SGPP2: variants seen among roughly 807,000 people sequenced by gnomAD.
SGPP2 encodes the protein sphingosine-1-phosphate phosphatase 2.
In SGPP2, 30 loss-of-function variants were observed where a neutral mutation model predicts 33.9. The ratio of observed to expected loss-of-function variants is 0.89; its 90% CI spans 0.66 to 1.20. The LOEUF (loss-of-function observed/expected upper bound fraction) is 1.20. Ranked by LOEUF, SGPP2 falls within the 50% of genes most tolerant of loss-of-function variation. SGPP2 has a pLI of 0.00. For synonymous variants in SGPP2, 233 were observed against 225.0 expected, an observed-to-expected ratio of 1.04 and a Z score of -0.32; for missense variants, 458 against 532.1, an observed-to-expected ratio of 0.86 and a Z score of 1.37.
At chr2:222,543,152 T>C (rs1699022245) in intron 4 of SGPP2, among the ~76,000 whole-genome samples, 1 of 152,238 alleles carries the variant, frequency 6.6e-6, no homozygotes, top group African/African-American at 2.4e-5. Context: ...TTTTGACTAC[T>C]AAAAGGTCAT....
intron 1 of SGPP2, among the ~76,000 whole-genome samples, chr2:222,454,183 A>G (rs1009172023): frequency 6.6e-6 from 1 of 152,164 alleles, no homozygotes; most frequent in African/African-American, 2.4e-5. Flanking sequence ...ACAAACAGAA[A>G]ATTTTCTCTC....
In SGPP2 at chr2:222,521,887, G is replaced by T. The variant is rs990071082; in HGVS notation, c.499G>T (p.Ala167Ser). 5 of 1,607,424 alleles carry T rather than the reference G, an allele frequency of 3.1e-6. No homozygotes were observed. In the Admixed American group the frequency reaches 6.8e-5, roughly 22 times the overall value. Reference sequence around the variant, plus strand: ...TGAATATGGAATGCCATCCACCCACGCCATGGCGGCCACTGCCATTGCCTT... The same window carrying T: ...TGAATATGGAATGCCATCCACCCACTCCATGGCGGCCACTGCCATTGCCTT... ...IAEYGMPSTH[A>S]MAATAIAFTL... is the part of the protein sequence containing the mutation. Residue 167 changes from alanine to serine, a missense_variant, in exon 3 of 5, where the codon GCC (alanine) becomes TCC (serine). Physicochemically the swap from Ala to Ser is moderately conservative, Grantham distance 99. Coordinates refer to ENST00000321276, the MANE Select transcript of SGPP2 (RefSeq NM_152386.4).
intron 2 of SGPP2, among the ~76,000 whole-genome samples, chr2:222,503,341 T>C (rs1226832927): frequency 6.6e-6 from 1 of 152,208 alleles, no homozygotes; most frequent in East Asian, 1.9e-4. Context: ...TCAAACATAT[T>C]AAGGCTAAAA....
chr2:222,511,084 A>G (rs536499705), intron 2 of SGPP2, among the ~76,000 whole-genome samples: 5 of 152,324 alleles, frequency 3.3e-5, no homozygotes, highest in Admixed American at 6.5e-5. Context: ...GACATGGTAC[A>G]CACTGTCATT....
At chr2:222,497,986 G>T (rs2106115718) in intron 2 of SGPP2, among the ~76,000 whole-genome samples, 1 of 152,308 alleles carries the variant, frequency 6.6e-6, no homozygotes, top group East Asian at 1.9e-4. Flanking sequence ...TTATCCTGTG[G>T]AGGAGTAAGA....
intron 1 of SGPP2, among the ~76,000 whole-genome samples, chr2:222,433,807 G>A (rs1269184367): frequency 4.6e-5 from 7 of 152,154 alleles, no homozygotes; most frequent in Non-Finnish European, 8.8e-5. Context: ...CATGAAGGGA[G>A]GTATTGCTAA....
At chr2:222,443,843 A>G (rs2106069242) in intron 1 of SGPP2, among the ~76,000 whole-genome samples, 1 of 152,302 alleles carries the variant, frequency 6.6e-6, no homozygotes, top group Admixed American at 6.5e-5. Context: ...CTTCTTACAC[A>G]TCTAAAACAT....
chr2:222,520,733 A>AC lies in SGPP2; in HGVS notation c.379-1034_379-1033insC, dbSNP rs1559168265. ...CAGAGTGAGACTCTGAAAAAAAAAA[A>AC]AAAAAAAAAAAACCCTCCATATCGA... On this transcript the variant is annotated intron_variant, in intron 2 of 4. Transcript: ENST00000321276. Among the ~76,000 whole-genome samples, 36 of 107,236 alleles carry AC rather than the reference A, an allele frequency of 3.4e-4. No individual in the cohort carries two copies. In the South Asian group the frequency reaches 0.011, roughly 33 times the overall value. The allele number at this position is 107,236 out of a possible 152,430, so 70.4% of individuals were successfully genotyped here.
At chr2:222,475,965 G>GCA (rs1697926965) in intron 2 of SGPP2, among the ~76,000 whole-genome samples, 1 of 152,200 alleles carries the variant, frequency 6.6e-6, no homozygotes, top group Non-Finnish European at 1.5e-5. Flanking sequence ...GCATGTGGAG[G>GCA]ACTCTGCAGG....
chr2:222,460,808 A>ATG lies in SGPP2; in HGVS notation c.220-13758_220-13757dup, dbSNP rs72000028. 0.46 allele frequency among the ~76,000 whole-genome samples: 69,444 copies of ATG among 151,668 alleles called. 16,181 individuals are homozygous for ATG. The highest frequency in any genetic ancestry group is 0.51 in the Non-Finnish European group (34,381 of 67,858). On this transcript the variant is annotated intron_variant, in intron 1 of 4. Coordinates refer to ENST00000321276, the MANE Select transcript of SGPP2 (RefSeq NM_152386.4). The surrounding 1 kb of genome is among the most constrained non-coding windows in gnomAD (Gnocchi z 4.3). The stretch of plus-strand genomic sequence containing the variant: ...CCTCTTGCTGTTCCTTTCTGCTGGA[A>ATG]TGTCCCTCTTTCCCTTCTCTGTTAA...
chr2:222,435,069 C>CAT (rs1168705097), intron 1 of SGPP2, among the ~76,000 whole-genome samples: 343 of 37,214 alleles, frequency 9.2e-3, no homozygotes, highest in Non-Finnish European at 2.2e-3. Flanking sequence ...TACACATATA[C>CAT]ATATATATAT....
chr2:222,540,661 C>T (rs902029364), intron 4 of SGPP2, among the ~76,000 whole-genome samples: 9 of 152,120 alleles, frequency 5.9e-5, no homozygotes, highest in African/African-American at 2.2e-4. Flanking sequence ...GTCAATAAAT[C>T]TATTTTTTCT....
intron 2 of SGPP2, among the ~76,000 whole-genome samples, chr2:222,515,582 G>A (rs1012826705): frequency 2.0e-4 from 31 of 151,910 alleles, no homozygotes; most frequent in Non-Finnish European, 4.0e-4. Context: ...ACCTGCCTTG[G>A]CCTCCCAAAG....
intron 1 of SGPP2, among the ~76,000 whole-genome samples, chr2:222,454,008 A>G (rs1466747824): frequency 6.6e-6 from 1 of 152,260 alleles, no homozygotes; most frequent in Non-Finnish European, 1.5e-5. Flanking sequence ...GCCTCTTTTG[A>G]TAAGCGTGCT....
At position 222,474,689 on chromosome 2, in the gene SGPP2, A is replaced by G. The variant is rs746427683; in HGVS notation, c.341A>G (p.Asp114Gly). 6.2e-7 allele frequency: 1 copy of G among 1,613,924 alleles called. No individual in the cohort carries two copies. Among genetic ancestry groups the G allele is most frequent in the Admixed American group, 1.7e-5 (1 of 60,020 alleles). ...CTTCCATTCACTCACTGGAATATTGACCCTTATTTATCCAGAAGATTGATC... is the reference window on the plus strand; with the variant it reads ...CTTCCATTCACTCACTGGAATATTGGCCCTTATTTATCCAGAAGATTGATC... ...TFLPFTHWNI[D>G]PYLSRRLIII... The change falls in exon 2 of 5, where the codon GAC becomes GGC. Residue 114 changes from aspartate (D) to glycine (G), a missense_variant. Asp to Gly is a moderately conservative substitution (Grantham distance 94). Coordinates refer to ENST00000321276, the MANE Select transcript of SGPP2 (RefSeq NM_152386.4).
At chr2:222,499,638 G>C (rs541282930) in intron 2 of SGPP2, among the ~76,000 whole-genome samples, 36 of 152,188 alleles carry the variant, frequency 2.4e-4, no homozygotes, top group East Asian at 3.9e-4. Context: ...GGAAACACAA[G>C]TTGGGGCATT....
chr2:222,482,701 C>G (rs187793729), intron 2 of SGPP2, among the ~76,000 whole-genome samples: 92 of 152,328 alleles, frequency 6.0e-4, no homozygotes, highest in Middle Eastern at 3.4e-3. Flanking sequence ...ATTTTCAAGA[C>G]AGCCAGACAC....
rs548450727 is a variant in SGPP2, at chr2:222,430,998, T to TA, written c.219+6183dup. Among the ~76,000 whole-genome samples the TA allele has an allele frequency of 4.6e-5, 7 of 151,598 alleles. No homozygotes were observed. The South Asian group carries it at 1.5e-3, about 32-fold the overall frequency. On this transcript the variant is annotated intron_variant, in intron 1 of 4. Coordinates refer to ENST00000321276, the MANE Select transcript of SGPP2 (RefSeq NM_152386.4). Reference sequence around the variant, plus strand: ...CATGGAACAGAAAAAAAAAATTAGGTAAAAAATAAGGAAGCCTGTGTAAAG... The same window carrying TA: ...CATGGAACAGAAAAAAAAAATTAGGTAAAAAAATAAGGAAGCCTGTGTAAAG...
intron 4 of SGPP2, among the ~76,000 whole-genome samples, chr2:222,528,115 C>T (rs1244617844): frequency 6.6e-6 from 1 of 152,166 alleles, no homozygotes; most frequent in Non-Finnish European, 1.5e-5. Flanking sequence ...TATAATGGTT[C>T]TCAACCATAG....
Sources: allele counts gnomAD v4.1 joint callset (sites outside exome capture counted in the v4.1 genomes callset), GRCh38; gene constraint gnomAD v4.1.1; non-coding constraint Gnocchi (gnomAD v3.1); transcripts MANE v1.5; gene names NCBI Gene and HGNC (gene_info 2026-07-23, HGNC 2026-07-21).